The following PCDH17 variants were observed in gnomAD, a reference collection of about 807,000 sequenced individuals.
PCDH17 encodes the protein protocadherin 17.
PCDH17 carries 21 observed loss-of-function variants against 67.7 expected under a neutral mutation model. The observed-to-expected ratio is 0.31, with a 90% CI of 0.22 to 0.45. The LOEUF is 0.45. PCDH17 is among the 20% of genes least tolerant of loss of function. The pLI is 1.00. For missense variants in PCDH17, 1,471 were observed against 1,564.8 expected, an observed-to-expected ratio of 0.94 and a Z score of 1.01; for synonymous variants, 701 against 656.7, an observed-to-expected ratio of 1.07 and a Z score of -1.03.
intron 1 of PCDH17, among the ~76,000 whole-genome samples, chr13:57,651,846 T>G (rs564018455): frequency 2.1e-4 from 32 of 152,306 alleles, no homozygotes; most frequent in Non-Finnish European, 1.5e-5. Flanking sequence ...CATATTATTA[T>G]TGTTGTTAAA....
intron 3 of PCDH17, among the ~76,000 whole-genome samples, chr13:57,677,787 T>C (rs1955408877): frequency 6.6e-6 from 1 of 151,802 alleles, no homozygotes; most frequent in East Asian, 1.9e-4. Flanking sequence ...CAAAAGGATA[T>C]ATCGTGGCAC....
In PCDH17 at chr13:57,636,801, A is replaced by G. The variant is rs7330634; in HGVS notation, c.2565+1690A>G. Among the ~76,000 whole-genome samples the G allele has an allele frequency of 7.3e-3, 1,109 of 152,248 alleles. 10 individuals carry two copies. Among genetic ancestry groups the G allele is most frequent in the Non-Finnish European group, 8.6e-3 (583 of 67,972 alleles). ...TACACATATGTTAAATACCTTTCTT[A>G]TATTTTTACCATTGAGAATTACAAA... On this transcript the variant is annotated intron_variant, in intron 1 of 3. Transcript: ENST00000377918.
rs531897787 is a variant in PCDH17 at position 57,683,105 on chromosome 13, G to T, written c.2797+16272G>T. On this transcript the variant is annotated intron_variant, in intron 3 of 3. Coordinates refer to ENST00000377918, the MANE Select transcript of PCDH17 (RefSeq NM_001040429.3). ...TAGGATGTCTAATTCTAATTTCATA[G>T]GTATTTTTATTATTTCACAGTGGCC... Among the ~76,000 whole-genome samples the T allele has an allele frequency of 1.1e-4, 17 of 151,890 alleles. No homozygotes were observed. In the East Asian group the frequency reaches 3.3e-3, roughly 30 times the overall value.
At chr13:57,688,935 T>G (rs554009612) in intron 3 of PCDH17, among the ~76,000 whole-genome samples, 13 of 152,144 alleles carry the variant, frequency 8.5e-5, no homozygotes, top group Admixed American at 8.5e-4. Flanking sequence ...AATTCCACCA[T>G]TGTAGCATTG....
In PCDH17 at chr13:57,632,401, G is replaced by A; in HGVS notation, c.-146G>A. On this transcript the variant is annotated 5_prime_UTR_variant, in exon 1 of 4. Coordinates refer to ENST00000377918, the MANE Select transcript of PCDH17 (RefSeq NM_001040429.3). Reference sequence around the variant, plus strand: ...GAATAAGGAGAGACCACCGGGTGCCGCAGCTCGGGTGCAGAGGGAAAAAAG... The same window carrying A: ...GAATAAGGAGAGACCACCGGGTGCCACAGCTCGGGTGCAGAGGGAAAAAAG... 1 of 741,208 alleles carries A rather than the reference G, an allele frequency of 1.3e-6. No homozygotes were observed. The allele number at this position is 741,208 out of a possible 1,614,324, so 45.9% of individuals were successfully genotyped here.
intron 3 of PCDH17, among the ~76,000 whole-genome samples, chr13:57,687,315 G>A (rs1955517974): frequency 1.3e-5 from 2 of 152,040 alleles, no homozygotes; most frequent in South Asian, 4.1e-4. Context: ...GCAATTACTT[G>A]AGAAAGAGAG....
chr13:57,702,515 G>A (rs1955676870), intron 3 of PCDH17, among the ~76,000 whole-genome samples: 1 of 152,076 alleles, frequency 6.6e-6, no homozygotes, highest in Admixed American at 6.6e-5. Context: ...TTTAAATCCG[G>A]CTGTGCAGGG....
At chr13:57,722,550 A>T (rs1955879712) in intron 3 of PCDH17, among the ~76,000 whole-genome samples, 2 of 152,152 alleles carry the variant, frequency 1.3e-5, no homozygotes, top group South Asian at 4.1e-4. Context: ...TCCCATTTAG[A>T]GTAGGTAAAG....
rs1955924550 is a variant in PCDH17, at chr13:57,727,578, T to A, written c.*2284T>A. On this transcript the variant is annotated 3_prime_UTR_variant, in exon 4 of 4. Transcript: ENST00000377918. Reference sequence around the variant, plus strand: ...TTGAGAACTATATTTTGGTTCCTAGTAACAGCCTTTCCAAAGCTCTACTCT... The same window carrying A: ...TTGAGAACTATATTTTGGTTCCTAGAAACAGCCTTTCCAAAGCTCTACTCT... 6.6e-6 allele frequency: 1 copy of A among 152,164 alleles called. No individual in the cohort carries two copies. The highest frequency in any genetic ancestry group is 2.1e-4 in the South Asian group (1 of 4,834). The allele number at this position is 152,164 out of a possible 1,614,324, so 9.4% of individuals were successfully genotyped here. A position where few individuals can be genotyped will look rare whatever the true frequency, so the allele number is the denominator to read the frequency against.
chr13:57,651,495 G>C (rs1296729037), intron 1 of PCDH17, among the ~76,000 whole-genome samples: 1 of 151,200 alleles, frequency 6.6e-6, no homozygotes, highest in East Asian at 2.0e-4. Flanking sequence ...GTGCCACCAG[G>C]CCTGGCTAAC....
intron 1 of PCDH17, among the ~76,000 whole-genome samples, chr13:57,636,113 A>T (rs150007848): frequency 1.7e-4 from 26 of 152,296 alleles, no homozygotes; most frequent in Admixed American, 1.1e-3. Context: ...TTGGACATAG[A>T]TTCTAACAGC....
At chr13:57,709,991 T>C (rs919653031) in intron 3 of PCDH17, among the ~76,000 whole-genome samples, 4 of 151,966 alleles carry the variant, frequency 2.6e-5, no homozygotes, top group Non-Finnish European at 4.4e-5. Flanking sequence ...TTACACCAGA[T>C]TTTTAATATT....
At chr13:57,646,809 G>A (rs1249857620) in intron 1 of PCDH17, among the ~76,000 whole-genome samples, 1 of 151,706 alleles carries the variant, frequency 6.6e-6, no homozygotes, top group African/African-American at 2.4e-5. Flanking sequence ...CATTTGTCTA[G>A]GCATTATACT....
intron 3 of PCDH17, among the ~76,000 whole-genome samples, chr13:57,702,862 T>A (rs990900801): frequency 1.3e-5 from 2 of 152,108 alleles, no homozygotes; most frequent in Non-Finnish European, 2.9e-5. Flanking sequence ...GTTAGAAAAA[T>A]TAGCTATTAG....
At chr13:57,664,050 G>A (rs1216113914) in intron 1 of PCDH17, among the ~76,000 whole-genome samples, 1 of 151,816 alleles carries the variant, frequency 6.6e-6, no homozygotes. Context: ...ACAGGTGGGC[G>A]CCACCACACC....
intron 3 of PCDH17, among the ~76,000 whole-genome samples, chr13:57,679,125 G>A (rs1165501004): frequency 1.3e-5 from 2 of 151,186 alleles, no homozygotes; most frequent in East Asian, 3.9e-4. Flanking sequence ...AAGTAACAAA[G>A]TTACTTCAAG....
At chr13:57,635,260 T>C in intron 1 of PCDH17, 149 bp downstream of exon 1, 1 of 706,370 alleles carries the variant, frequency 1.4e-6, no homozygotes, top group Non-Finnish European at 2.3e-6. Context: ...TGACACTGTG[T>C]ATACATCATA....
At chr13:57,714,761 A>G (rs1485101838) in intron 3 of PCDH17, among the ~76,000 whole-genome samples, 4 of 151,776 alleles carry the variant, frequency 2.6e-5, no homozygotes, top group African/African-American at 4.8e-5. Context: ...TAATTAATTC[A>G]TATGTTGATG....
At chr13:57,644,837 A>C (rs1954946503) in intron 1 of PCDH17, among the ~76,000 whole-genome samples, 1 of 151,732 alleles carries the variant, frequency 6.6e-6, no homozygotes, top group Non-Finnish European at 1.5e-5. Context: ...AATATTTTCC[A>C]TCACGCTCTT....
Sources: allele counts gnomAD v4.1 joint callset (sites outside exome capture counted in the v4.1 genomes callset), GRCh38; gene constraint gnomAD v4.1.1; transcripts MANE v1.5; gene names NCBI Gene and HGNC (gene_info 2026-07-23, HGNC 2026-07-21).